Variants in ARHGEF9 observed in about 807,000 individuals in gnomAD.
The protein encoded by ARHGEF9 is Cdc42 guanine nucleotide exchange factor 9.
Under a neutral mutation model 41.3 loss-of-function variants are expected in ARHGEF9, and 2 were observed. The ratio of observed to expected loss-of-function variants is 0.05; its 90% confidence interval spans 0.02 to 0.15. The LOEUF is 0.15. ARHGEF9 is among the 10% of genes least tolerant of loss of function. The probability of loss-of-function intolerance (pLI) is 1.00; values close to 1 mark genes in which losing one functional copy is unlikely to be tolerated. For synonymous variants in ARHGEF9, 160 were observed against 154.4 expected, an observed-to-expected ratio of 1.04 and a Z score of -0.27; for missense variants, 225 against 424.7, an observed-to-expected ratio of 0.53 and a Z score of 4.13.
intron 5 of ARHGEF9, 90 bp from the exon 6 acceptor site, chrX:63,674,257 C>A: frequency 1.0e-6 from 1 of 989,314 alleles, no homozygotes; most frequent in Non-Finnish European, 1.4e-6. Context: ...CTCTCCTCTA[C>A]CTCCTTAGTA....
chrX:63,674,931 C>T (rs1214966266), intron 5 of ARHGEF9, among the ~76,000 whole-genome samples: 39 of 111,346 alleles, frequency 3.5e-4, no homozygotes, highest in African/African-American at 1.2e-3. Flanking sequence ...TCCAAGATGA[C>T]GGTGCTCCTG....
At chrX:63,651,203 G>C (rs1556328440) in intron 8 of ARHGEF9, among the ~76,000 whole-genome samples, 1 of 110,803 alleles carries the variant, frequency 9.0e-6, no homozygotes, top group Non-Finnish European at 1.9e-5. Context: ...CAGTTTTTAC[G>C]GCAGTGTTTT....
At chrX:63,648,127 C>A (rs183987844) in intron 8 of ARHGEF9, among the ~76,000 whole-genome samples, 11 of 110,717 alleles carry the variant, frequency 9.9e-5, no homozygotes, top group South Asian at 3.9e-4. Context: ...TCGAAAAGAG[C>A]AACTCCAAGA....
chrX:63,777,898 T>A (rs1334870115), intron 1 of ARHGEF9, among the ~76,000 whole-genome samples: 7 of 112,847 alleles, frequency 6.2e-5, no homozygotes, highest in African/African-American at 2.3e-4. Flanking sequence ...CCCTCCAGGC[T>A]GCCTTCATGG....
intron 1 of ARHGEF9, among the ~76,000 whole-genome samples, chrX:63,778,148 T>A (rs1406046653): frequency 3.6e-5 from 4 of 112,441 alleles, no homozygotes; most frequent in Non-Finnish European, 7.5e-5. Flanking sequence ...TTTCCATACA[T>A]CCTCTGAAAT....
At chrX:63,722,811 T>C (rs2053717073) in intron 2 of ARHGEF9, 1 of 111,841 alleles carries the variant, frequency 8.9e-6, no homozygotes, top group Admixed American at 9.5e-5. Flanking sequence ...TCTGTGGTTA[T>C]TGATACGCTT....
chrX:63,744,914 C>T (rs2055174731), intron 1 of ARHGEF9, among the ~76,000 whole-genome samples: 1 of 112,084 alleles, frequency 8.9e-6, no homozygotes, highest in African/African-American at 3.2e-5. Context: ...CTAAGCCCTC[C>T]TGCCATGCAG....
Position 63,737,315 on chromosome X carries a change from T to C in ARHGEF9, c.31-12604A>G, listed in dbSNP as rs1316211288. On this transcript the variant is annotated intron_variant, in intron 1 of 9. Coordinates refer to ENST00000671741, the MANE Select transcript of ARHGEF9 (RefSeq NM_001353921.2). ...TTGATTCTGGACTTGCTGTATGAAC[T>C]TGGGCAGATCCAGCGCCTCTCTGAG... 2.7e-5 allele frequency among the ~76,000 whole-genome samples: 3 copies of C among 112,322 alleles called. No homozygotes were observed. The Admixed American group carries it at 2.8e-4, about 11-fold the overall frequency.
chrX:63,713,701 TACACACACAC>T (rs59012226), intron 2 of ARHGEF9, among the ~76,000 whole-genome samples: 6 of 94,289 alleles, frequency 6.4e-5, no homozygotes, highest in African/African-American at 1.2e-4. Flanking sequence ...CCACTTCACA[TACACACACAC>T]ACACACACAC....
intron 1 of ARHGEF9, chrX:63,755,132 AG>A (rs2055883848): frequency 1.1e-6 from 1 of 937,294 alleles, no homozygotes; most frequent in South Asian, 5.9e-5. Flanking sequence ...TCCCCCGCTC[AG>A]CCCATAGGCT....
At chrX:63,664,803 C>G (rs1602294522) in intron 7 of ARHGEF9, among the ~76,000 whole-genome samples, 1 of 111,912 alleles carries the variant, frequency 8.9e-6, no homozygotes, top group Admixed American at 9.5e-5. Context: ...TGTTTTTCCC[C>G]TCAATCCACT....
At chrX:63,735,816 T>C (rs1289752473) in intron 1 of ARHGEF9, among the ~76,000 whole-genome samples, 2 of 109,379 alleles carry the variant, frequency 1.8e-5, no homozygotes, top group Non-Finnish European at 3.8e-5. Flanking sequence ...TCCCAGGGAG[T>C]TTTTACAGCC....
chrX:63,772,235 T>A (rs1556455317), intron 1 of ARHGEF9, among the ~76,000 whole-genome samples: 2 of 111,711 alleles, frequency 1.8e-5, no homozygotes, highest in African/African-American at 6.5e-5. Flanking sequence ...CTGAATTAAT[T>A]CACCAGCAAG....
At chrX:63,642,070 T>G (rs1489696125) in intron 9 of ARHGEF9, 11 of 111,495 alleles carry the variant, frequency 9.9e-5, no homozygotes, top group African/African-American at 3.3e-4. Context: ...GAGTTAATAC[T>G]CCTTAATAAA....
At chrX:63,649,046 A>G (rs112339864) in intron 8 of ARHGEF9, among the ~76,000 whole-genome samples, 1 of 111,418 alleles carries the variant, frequency 9.0e-6, no homozygotes, top group Non-Finnish European at 1.9e-5. Flanking sequence ...GATCAACGAG[A>G]CAAAAAGTTA....
At chrX:63,748,040 G>A (rs1210244779) in intron 1 of ARHGEF9, among the ~76,000 whole-genome samples, 2 of 112,188 alleles carry the variant, frequency 1.8e-5, no homozygotes, top group African/African-American at 6.5e-5. Flanking sequence ...TTTGGCAGAT[G>A]CTTGCTATGA....
rs368706185 is a variant in ARHGEF9 at position 63,755,163 on chromosome X, G to A, written c.30+29953C>T. 240 of 937,428 alleles carry A rather than the reference G, an allele frequency of 2.6e-4. 8 individuals are homozygous for A. In the East Asian group the frequency reaches 3.7e-3, roughly 14 times the overall value. The allele number at this position is 937,428 out of a possible 1,213,427, so 77.3% of individuals were successfully genotyped here. ...TAGGCTGCCTTTTTATTCACCGAGCGACTGCGGGCGCTTGCGTGAGGCGCG... is the reference window on the plus strand; with the variant it reads ...TAGGCTGCCTTTTTATTCACCGAGCAACTGCGGGCGCTTGCGTGAGGCGCG... On this transcript the variant is annotated intron_variant, in intron 1 of 9. Transcript: ENST00000671741.
intron 7 of ARHGEF9, among the ~76,000 whole-genome samples, chrX:63,663,591 C>A (rs782369974): frequency 1.4e-4 from 15 of 111,107 alleles, no homozygotes; most frequent in Admixed American, 4.8e-4. Context: ...TGGCCCAATC[C>A]AGACATTCCC....
intron 1 of ARHGEF9, among the ~76,000 whole-genome samples, chrX:63,770,928 G>T (rs1556454433): frequency 8.9e-6 from 1 of 112,351 alleles, no homozygotes; most frequent in Non-Finnish European, 1.9e-5. Flanking sequence ...TTTGCAAATT[G>T]CCCAGTCTCA....
Sources: allele counts gnomAD v4.1 joint callset (sites outside exome capture counted in the v4.1 genomes callset), GRCh38; gene constraint gnomAD v4.1.1; transcripts MANE v1.5; gene names NCBI Gene and HGNC (gene_info 2026-07-23, HGNC 2026-07-21).